The following SORCS2 variants were observed in gnomAD, a reference collection of about 807,000 sequenced individuals.
SORCS2 encodes the protein VPS10 domain-containing receptor SorCS2.
SORCS2 carries 100 observed loss-of-function variants against 141.6 expected under a neutral mutation model. The observed-to-expected ratio is 0.71, with a 90% CI of 0.60 to 0.83. The LOEUF (loss-of-function observed/expected upper bound fraction) is 0.83, where lower values mean the gene tolerates loss of function less well. Ranked by LOEUF, SORCS2 falls within the 40% of genes least tolerant of loss-of-function variation. The pLI is 0.00. For synonymous variants in SORCS2, 789 were observed against 676.9 expected (o/e 1.17, Z -2.57); for missense variants, 1,646 against 1,560.2 (o/e 1.05, Z -0.93).
chr4:7,725,206 G>T lies in SORCS2; in HGVS notation c.2664G>T (p.Gln888His), dbSNP rs374036671. 6.8e-6 allele frequency: 11 copies of T among 1,613,588 alleles called. No homozygotes were observed. The highest frequency in any genetic ancestry group is 8.5e-6 in the Non-Finnish European group (10 of 1,179,654). The change falls in exon 20 of 27, where the codon CAG becomes CAT. Residue 888 changes from glutamine to histidine, a missense_variant. Coordinates refer to ENST00000507866, the MANE Select transcript of SORCS2 (RefSeq NM_020777.3). ...TGGTTCCTGTCATTGGCCTCAACCAGGAGGTGAACCTCACAGCTGTGCTGC... is the reference window on the plus strand; with the variant it reads ...TGGTTCCTGTCATTGGCCTCAACCATGAGGTGAACCTCACAGCTGTGCTGC... ...LEVVPVIGLN[Q>H]EVNLTAVLLP...
intron 3 of SORCS2, among the ~76,000 whole-genome samples, chr4:7,568,986 T>C (rs1389174043): frequency 2.0e-5 from 3 of 152,174 alleles, no homozygotes; most frequent in Non-Finnish European, 4.4e-5. Context: ...ACCTCACCTC[T>C]CTTGGATCTG....
chr4:7,601,308 C>A (rs1223395827), intron 3 of SORCS2, among the ~76,000 whole-genome samples: 1 of 135,666 alleles, frequency 7.4e-6, no homozygotes, highest in African/African-American at 2.8e-5. Context: ...CCAAATTAAA[C>A]CTCATTTTTT....
intron 12 of SORCS2, among the ~76,000 whole-genome samples, chr4:7,698,093 C>T (rs1468373451): frequency 6.6e-6 from 1 of 152,162 alleles, no homozygotes; most frequent in Non-Finnish European, 1.5e-5. Flanking sequence ...GCTCCCCACC[C>T]CAGGAGGGGG....
rs575164708 is a variant in SORCS2 at position 7,348,665 on chromosome 4, C to T, written c.481-47623C>T. 3.0e-4 allele frequency among the ~76,000 whole-genome samples: 45 copies of T among 152,312 alleles called. No individual in the cohort carries two copies. The South Asian group carries it at 5.0e-3, about 17-fold the overall frequency. ...CTCCTGGGTTCAAGAGATTCTCCTG[C>T]CTCAGCCTCCAGAGTAGCTGGGTTT... On this transcript the variant is annotated intron_variant, in intron 1 of 26. Transcript: ENST00000507866.
chr4:7,430,658 C>T (rs62277598), intron 2 of SORCS2: 22,667 of 152,282 alleles, frequency 0.15, 1,758 homozygotes, highest in Non-Finnish European at 0.18. Flanking sequence ...GCGCAGTCAC[C>T]ACCTCTGGGA....
chr4:7,676,145 A>C lies in SORCS2; in HGVS notation c.1257A>C (p.Pro419=), dbSNP rs1723091217. 6.4e-7 allele frequency: 1 copy of C among 1,569,668 alleles called. No homozygotes were observed. Among genetic ancestry groups the C allele is most frequent in the South Asian group, 1.2e-5 (1 of 85,418 alleles). Residue 419 remains proline, a synonymous_variant, in exon 9 of 27, where the codon CCA becomes CCC. Transcript: ENST00000507866. ...MDTYNLYQSD[P]RGVRYALVLQ... ...CCTACAACCTGTACCAGTCGGACCC[A>C]CGGGGCGTGCGCTACGCGCTGGTGC...
intron 1 of SORCS2, among the ~76,000 whole-genome samples, chr4:7,224,833 T>C (rs1728907106): frequency 6.6e-6 from 1 of 152,220 alleles, no homozygotes; most frequent in Non-Finnish European, 1.5e-5. Context: ...TGGTCCTCTC[T>C]CATGAGCTCA....
chr4:7,481,890 CCGTT>C (rs1560320459), intron 2 of SORCS2, among the ~76,000 whole-genome samples: 2 of 143,790 alleles, frequency 1.4e-5, no homozygotes, highest in Non-Finnish European at 3.1e-5. Flanking sequence ...CCACCTGACG[CCGTT>C]CAGACCTGTA....
At chr4:7,222,912 G>C (rs1392855) in intron 1 of SORCS2, among the ~76,000 whole-genome samples, 3,501 of 152,238 alleles carry the variant, frequency 0.023, 134 homozygotes, top group African/African-American at 0.079. Flanking sequence ...ACTCCACCTT[G>C]ACTCATTCAC....
intron 3 of SORCS2, among the ~76,000 whole-genome samples, chr4:7,619,302 C>T (rs753547540): frequency 2.6e-5 from 4 of 152,214 alleles, no homozygotes; most frequent in African/African-American, 4.8e-5. Context: ...ACATTGTTTC[C>T]CTCCATTAGG....
Position 7,216,302 on chromosome 4 carries a change from C to T in SORCS2, c.480+23176C>T, listed in dbSNP as rs149463364. Among the ~76,000 whole-genome samples, 725 of 152,252 alleles carry T rather than the reference C, an allele frequency of 4.8e-3. 7 individuals are homozygous for T. Among genetic ancestry groups the T allele is most frequent in the African/African-American group, 0.017 (697 of 41,550 alleles). ...TGTATGTGGGAATGGTGAGCTCCAC[C>T]GCCCAGCCCAGCACTGCTCCACCTG... is the stretch of plus-strand genomic sequence containing the variant. On this transcript the variant is annotated intron_variant, in intron 1 of 26. Coordinates refer to ENST00000507866, the MANE Select transcript of SORCS2 (RefSeq NM_020777.3).
At chr4:7,661,907 C>A (rs1722201399) in intron 6 of SORCS2, among the ~76,000 whole-genome samples, 1 of 152,158 alleles carries the variant, frequency 6.6e-6, no homozygotes. Context: ...CCGGACCCAG[C>A]CAACTTCCTG....
intron 1 of SORCS2, among the ~76,000 whole-genome samples, chr4:7,381,149 T>C (rs1722971917): frequency 6.7e-6 from 1 of 149,720 alleles, no homozygotes; most frequent in Admixed American, 6.7e-5. Flanking sequence ...TCCTGGTGGG[T>C]GATTCTGGTG....
chr4:7,376,452 C>T (rs1422742540), intron 1 of SORCS2, among the ~76,000 whole-genome samples: 1 of 152,128 alleles, frequency 6.6e-6, no homozygotes, highest in Non-Finnish European at 1.5e-5. Context: ...TGGTGGGCGC[C>T]TATAATCCCA....
chr4:7,476,288 G>A lies in SORCS2; in HGVS notation c.549-55242G>A, dbSNP rs34091365. 9.2e-5 allele frequency among the ~76,000 whole-genome samples: 14 copies of A among 152,190 alleles called. No homozygotes were observed. The East Asian group carries it at 2.5e-3, about 27-fold the overall frequency. Reference sequence around the variant, plus strand: ...ATTTAAGAACTTGGCTCATGCAATTGTTGGGGTTTATAAGTCAGGAACCTG... The same window carrying A: ...ATTTAAGAACTTGGCTCATGCAATTATTGGGGTTTATAAGTCAGGAACCTG... On this transcript the variant is annotated intron_variant, in intron 2 of 26. Transcript: ENST00000507866.
intron 2 of SORCS2, chr4:7,435,060 C>T (rs1226722912): frequency 1.5e-6 from 1 of 665,558 alleles, no homozygotes; most frequent in Non-Finnish European, 2.5e-6. Flanking sequence ...TCTTGGAGTG[C>T]CTGGAACACT....
At chr4:7,487,966 G>A (rs1210119983) in intron 2 of SORCS2, among the ~76,000 whole-genome samples, 6 of 152,282 alleles carry the variant, frequency 3.9e-5, no homozygotes, top group Admixed American at 2.0e-4. Flanking sequence ...GGGCAGAGCC[G>A]CTCGCTCATC....
intron 9 of SORCS2, among the ~76,000 whole-genome samples, chr4:7,679,196 C>G (rs183423320): frequency 2.6e-5 from 4 of 152,134 alleles, no homozygotes; most frequent in African/African-American, 4.8e-5. Context: ...GTCTCTCCCC[C>G]AGCAGGGCAC....
At chr4:7,315,103 G>A (rs1718472995) in intron 1 of SORCS2, among the ~76,000 whole-genome samples, 1 of 152,172 alleles carries the variant, frequency 6.6e-6, no homozygotes, top group South Asian at 2.1e-4. Context: ...AAAGTGCTGG[G>A]ATTACAGGCA....
Sources: gnomAD v4.1 joint callset for allele counts (sites outside exome capture counted in the v4.1 genomes callset) on GRCh38, gnomAD v4.1.1 for gene constraint, MANE v1.5 for transcripts, NCBI Gene and HGNC (gene_info 2026-07-23, HGNC 2026-07-21) for gene names.